The following TOX variants were observed in gnomAD, a reference collection of about 807,000 sequenced individuals.
The protein encoded by TOX is thymocyte selection-associated high mobility group box protein TOX.
Under a neutral mutation model 53.7 loss-of-function variants are expected in TOX, and 11 were observed. The ratio of observed to expected loss-of-function variants is 0.20; its 90% CI spans 0.13 to 0.34. The LOEUF is 0.34. Ranked by LOEUF, TOX falls within the 10% of genes least tolerant of loss-of-function variation. The pLI is 1.00. For synonymous variants in TOX, 225 were observed against 245.3 expected, an observed-to-expected ratio of 0.92 and a Z score of 0.77; for missense variants, 570 against 664.6, an observed-to-expected ratio of 0.86 and a Z score of 1.56.
chr8:58,930,304 A>T (rs1461730572), intron 3 of TOX, among the ~76,000 whole-genome samples: 1 of 152,230 alleles, frequency 6.6e-6, no homozygotes, highest in East Asian at 1.9e-4. Context: ...TCAGAAAAAT[A>T]GTTATTAAGC....
At chr8:59,085,686 C>T (rs1804494881) in intron 1 of TOX, among the ~76,000 whole-genome samples, 1 of 152,176 alleles carries the variant, frequency 6.6e-6, no homozygotes, top group African/African-American at 2.4e-5. Flanking sequence ...CTGTGCCCAG[C>T]CTAAAATTGA....
chr8:58,817,389 TA>T lies in TOX; in HGVS notation c.1006-1666del, dbSNP rs1196696968. On this transcript the variant is annotated intron_variant, in intron 6 of 8. Transcript: ENST00000361421. ...GTAGCTCCTAAGAGGTGCTTTTCATTAAAAAAAAAAAACAAGTTTTAAGTAG... is the reference window on the plus strand; with the variant it reads ...GTAGCTCCTAAGAGGTGCTTTTCATTAAAAAAAAAAACAAGTTTTAAGTAG... Among the ~76,000 whole-genome samples, 1,371 of 143,268 alleles carry T rather than the reference TA, an allele frequency of 9.6e-3. 15 individuals are homozygous for T. The highest frequency in any genetic ancestry group is 0.03 in the African/African-American group (1,167 of 39,404). 94.0% of individuals were successfully genotyped at this position (143,268 alleles called of 152,430 possible).
Position 58,948,641 on chromosome 8 carries a change from A to G in TOX, c.169-9097T>C, listed in dbSNP as rs76107554. On this transcript the variant is annotated intron_variant, in intron 2 of 8. Transcript: ENST00000361421. ...AGTGCTAGATCATCTTCCATATTCA[A>G]TGTTTAAAGGGGTAACTGAAGTATT... 5.4e-3 allele frequency among the ~76,000 whole-genome samples: 818 copies of G among 152,312 alleles called. 10 individuals carry two copies. The highest frequency in any genetic ancestry group is 0.019 in the African/African-American group (773 of 41,568).
intron 1 of TOX, among the ~76,000 whole-genome samples, chr8:58,983,725 C>A (rs1229877628): frequency 6.6e-6 from 1 of 152,170 alleles, no homozygotes; most frequent in Non-Finnish European, 1.5e-5. Context: ...TGAGTGTATT[C>A]TCTGATGAAA....
At chr8:58,863,555 C>T (rs1464147748) in intron 3 of TOX, among the ~76,000 whole-genome samples, 1 of 152,140 alleles carries the variant, frequency 6.6e-6, no homozygotes, top group Non-Finnish European at 1.5e-5. Flanking sequence ...GGCGCCTGAT[C>T]TCAAAGCCTA....
At chr8:59,033,121 C>A (rs1326803934) in intron 1 of TOX, among the ~76,000 whole-genome samples, 1 of 152,162 alleles carries the variant, frequency 6.6e-6, no homozygotes, top group African/African-American at 2.4e-5. Context: ...GGATATCTCT[C>A]TTAAGAAGCC....
At chr8:59,029,384 C>T (rs1212451192) in intron 1 of TOX, among the ~76,000 whole-genome samples, 1 of 152,056 alleles carries the variant, frequency 6.6e-6, no homozygotes, top group African/African-American at 2.4e-5. Context: ...ATTAAATATC[C>T]CTAACAGGGA....
intron 1 of TOX, among the ~76,000 whole-genome samples, chr8:59,072,541 T>C (rs1267215107): frequency 6.6e-6 from 1 of 152,180 alleles, no homozygotes; most frequent in Non-Finnish European, 1.5e-5. Flanking sequence ...AATTGACAAA[T>C]TACATAGAAA....
At chr8:58,820,813 G>T (rs1166175936) in intron 6 of TOX, among the ~76,000 whole-genome samples, 1 of 152,130 alleles carries the variant, frequency 6.6e-6, no homozygotes, top group East Asian at 1.9e-4. Flanking sequence ...GCCTCCCAAG[G>T]TGACTACTTT....
intron 1 of TOX, among the ~76,000 whole-genome samples, chr8:59,059,998 T>C (rs979148038): frequency 2.0e-5 from 3 of 152,206 alleles, no homozygotes; most frequent in Non-Finnish European, 2.9e-5. Context: ...TTTTATCTTT[T>C]ACCTTGATCA....
At chr8:58,861,221 GGA>G (rs1420939007) in intron 3 of TOX, among the ~76,000 whole-genome samples, 1 of 152,210 alleles carries the variant, frequency 6.6e-6, no homozygotes, top group Non-Finnish European at 1.5e-5. Context: ...GATAATGGCA[GGA>G]CATGAGAGGC....
chr8:59,106,184 C>T (rs448650), intron 1 of TOX, among the ~76,000 whole-genome samples: 34,618 of 151,676 alleles, frequency 0.23, 4,883 homozygotes, highest in East Asian at 0.66. Flanking sequence ...GAAATATATC[C>T]TTCCTTCCCT....
chr8:59,094,884 A>C (rs1417731315), intron 1 of TOX, among the ~76,000 whole-genome samples: 1 of 152,188 alleles, frequency 6.6e-6, no homozygotes, highest in African/African-American at 2.4e-5. Flanking sequence ...AAGAGAGGAC[A>C]CTCAAATAGC....
At chr8:58,875,480 A>T (rs998666268) in intron 3 of TOX, among the ~76,000 whole-genome samples, 1 of 151,978 alleles carries the variant, frequency 6.6e-6, no homozygotes, top group Non-Finnish European at 1.5e-5. Flanking sequence ...GAATTCAGGG[A>T]TTTTTTTCAG....
chr8:59,055,848 T>C (rs1446081978), intron 1 of TOX, among the ~76,000 whole-genome samples: 4 of 152,168 alleles, frequency 2.6e-5, no homozygotes, highest in African/African-American at 9.7e-5. Context: ...ATCAGGGACA[T>C]CTACTTGCCA....
At chr8:59,016,182 G>T (rs1443084836) in intron 1 of TOX, among the ~76,000 whole-genome samples, 2 of 151,932 alleles carry the variant, frequency 1.3e-5, no homozygotes, top group Admixed American at 1.3e-4. Flanking sequence ...AATTATACTG[G>T]ATGCCGGGGT....
Position 59,075,966 on chromosome 8 carries a change from T to C in TOX, c.102+42920A>G, listed in dbSNP as rs890564341. Reference sequence around the variant, plus strand: ...GTTGCGGTGAGCCCAGATCGCGCCATTGCACTCCAGCCTGGGCAACAAGAG... The same window carrying C: ...GTTGCGGTGAGCCCAGATCGCGCCACTGCACTCCAGCCTGGGCAACAAGAG... On this transcript the variant is annotated intron_variant, in intron 1 of 8. Coordinates refer to ENST00000361421, the MANE Select transcript of TOX (RefSeq NM_014729.3). Among the ~76,000 whole-genome samples the C allele has an allele frequency of 3.7e-4, 56 of 150,012 alleles. 1 individual carries two copies. The highest frequency in any genetic ancestry group is 1.1e-3 in the African/African-American group (46 of 40,516).
chr8:58,941,465 T>A (rs923528438), intron 2 of TOX, among the ~76,000 whole-genome samples: 17 of 152,328 alleles, frequency 1.1e-4, no homozygotes, highest in African/African-American at 2.6e-4. Flanking sequence ...GAGGGATAAA[T>A]ATATCATAAA....
At chr8:58,913,353 T>C (rs1811939686) in intron 3 of TOX, among the ~76,000 whole-genome samples, 1 of 152,150 alleles carries the variant, frequency 6.6e-6, no homozygotes, top group Non-Finnish European at 1.5e-5. Flanking sequence ...ATTGAAAATT[T>C]TATCTTTGTT....
Sources: allele counts gnomAD v4.1 joint callset (sites outside exome capture counted in the v4.1 genomes callset), GRCh38; gene constraint gnomAD v4.1.1; transcripts MANE v1.5; gene names NCBI Gene and HGNC (gene_info 2026-07-23, HGNC 2026-07-21).